Variants in THNSL1 observed in about 807,000 individuals in gnomAD.
THNSL1 encodes the protein threonine synthase like 1, also known as threonine synthase-like 1.
In THNSL1, 48 loss-of-function variants were observed where a neutral mutation model predicts 50.4. That is an observed-to-expected ratio of 0.95 (90% CI 0.76 to 1.21). The LOEUF is 1.21. THNSL1 is among the 50% of genes most tolerant of loss of function. The pLI, the probability that THNSL1 is intolerant of heterozygous loss-of-function variation, is 0.00. For missense variants in THNSL1, 896 were observed against 871.7 expected (o/e 1.03, Z -0.35); for synonymous variants, 309 against 306.1 (o/e 1.01, Z -0.10).
At chr10:24,988,232 A>ATG in the THNSL1 span, among the ~76,000 whole-genome samples, 11 of 145,486 alleles carry the variant, frequency 7.6e-5, no homozygotes, top group South Asian at 8.5e-4. Context: ...TCAAAAAAAA[A>ATG]TGTATATATA....
At chr10:25,019,543 A>G (rs1368459087) in intron 1 of THNSL1, among the ~76,000 whole-genome samples, 2 of 152,200 alleles carry the variant, frequency 1.3e-5, no homozygotes, top group Admixed American at 1.3e-4. Flanking sequence ...AATTAGTACA[A>G]CAGCTCTGTA....
the THNSL1 span, among the ~76,000 whole-genome samples, chr10:24,956,762 G>T: frequency 2.0e-5 from 3 of 151,948 alleles, no homozygotes; most frequent in Non-Finnish European, 4.4e-5. Context: ...CCCAACTACC[G>T]GGCTGCAAAC....
At chr10:25,020,238 A>ATATATC (rs1554772119) in intron 1 of THNSL1, among the ~76,000 whole-genome samples, 23,013 of 126,548 alleles carry the variant, frequency 0.18, 2,031 homozygotes, top group African/African-American at 0.22. Flanking sequence ...TTTCTTTAAA[A>ATATATC]TATATCTATA....
chr10:25,012,446 G>A (rs183241262), upstream of THNSL1, among the ~76,000 whole-genome samples: 164 of 152,308 alleles, frequency 1.1e-3, no homozygotes, highest in Middle Eastern at 0.02. Context: ...GAAAGCAGCC[G>A]GAATGGGGGC....
chr10:25,002,587 TA>T, the THNSL1 span, among the ~76,000 whole-genome samples: 9 of 152,334 alleles, frequency 5.9e-5, no homozygotes, highest in East Asian at 1.7e-3. Flanking sequence ...TTGTTTCATA[TA>T]TTTTTTTTCT....
At chr10:25,017,073 T>G (rs1273263129) in intron 1 of THNSL1, among the ~76,000 whole-genome samples, 2 of 152,184 alleles carry the variant, frequency 1.3e-5, no homozygotes, top group Non-Finnish European at 2.9e-5. Flanking sequence ...GGGTCGGCTC[T>G]GCGCCTGCTC....
chr10:24,989,426 C>T, the THNSL1 span, among the ~76,000 whole-genome samples: 1 of 152,294 alleles, frequency 6.6e-6, no homozygotes, highest in African/African-American at 2.4e-5. Context: ...CGTCACTCTA[C>T]ATTTTCAGGC....
chr10:24,990,431 T>C, the THNSL1 span: 1 of 1,590,540 alleles, frequency 6.3e-7, no homozygotes, highest in Admixed American at 1.9e-5. Flanking sequence ...ATCCAAAGAG[T>C]TACAGATGAA....
chr10:25,025,650 A>G lies in THNSL1; in HGVS notation c.*195A>G, dbSNP rs1850835999. ...TCAGATCTTTAATCTGGAAGTGACA[A>G]AAGGTAACACAGTGCACGGACCTTT... On this transcript the variant is annotated 3_prime_UTR_variant, in exon 3 of 3. Transcript: ENST00000376356. 2 of 609,008 alleles carry G rather than the reference A, an allele frequency of 3.3e-6. No homozygotes were observed. The highest frequency in any genetic ancestry group is 3.2e-5 in the Admixed American group (1 of 31,724). The allele number at this position is 609,008 out of a possible 1,614,324, so 37.7% of individuals were successfully genotyped here.
chr10:24,999,514 T>C, the THNSL1 span: 4 of 1,611,164 alleles, frequency 2.5e-6, no homozygotes, highest in Non-Finnish European at 3.4e-6. Flanking sequence ...TTGCATGTCA[T>C]CTTTTACAGT....
intron 1 of THNSL1, among the ~76,000 whole-genome samples, chr10:25,017,621 C>CTT (rs139511500): frequency 7.0e-5 from 10 of 142,180 alleles, no homozygotes; most frequent in African/African-American, 2.3e-4. Context: ...TTAAGTTTTT[C>CTT]TTTTTTTTTT....
chr10:25,014,797 C>T (rs889570000), upstream of THNSL1, among the ~76,000 whole-genome samples: 1 of 152,186 alleles, frequency 6.6e-6, no homozygotes, highest in Non-Finnish European at 1.5e-5. Context: ...AGATGTAATA[C>T]AGTTACTGCT....
the THNSL1 span, among the ~76,000 whole-genome samples, chr10:24,972,191 TAA>T: frequency 5.9e-5 from 7 of 119,122 alleles, no homozygotes; most frequent in Admixed American, 8.6e-5. Context: ...GACTCTATCT[TAA>T]AAAAAAAAAA....
chr10:25,000,546 A>G, the THNSL1 span, among the ~76,000 whole-genome samples: 1 of 152,090 alleles, frequency 6.6e-6, no homozygotes, highest in African/African-American at 2.4e-5. Flanking sequence ...AAAACAGATC[A>G]CTTCATCACT....
chr10:24,971,894 C>T, the THNSL1 span, among the ~76,000 whole-genome samples: 2 of 152,114 alleles, frequency 1.3e-5, no homozygotes, highest in Admixed American at 6.6e-5. Context: ...GTTTAACTGA[C>T]ATTTAAAATG....
At chr10:24,984,856 G>A in the THNSL1 span, 19 of 1,613,358 alleles carry the variant, frequency 1.2e-5, no homozygotes, top group East Asian at 2.2e-5. Context: ...TATAAAGACC[G>A]AGAGGGACTG....
At chr10:25,009,960 A>T in the THNSL1 span, among the ~76,000 whole-genome samples, 1 of 152,270 alleles carries the variant, frequency 6.6e-6, no homozygotes, top group African/African-American at 2.4e-5. Context: ...GTAGTATGAG[A>T]ACAGACTAAT....
chr10:24,995,584 C>A, the THNSL1 span: 2 of 1,391,516 alleles, frequency 1.4e-6, no homozygotes, highest in African/African-American at 1.4e-5. Flanking sequence ...AGATGATCAT[C>A]ATGAACACCA....
At chr10:24,996,730 T>C in the THNSL1 span, among the ~76,000 whole-genome samples, 7 of 152,200 alleles carry the variant, frequency 4.6e-5, no homozygotes, top group Admixed American at 4.6e-4. Flanking sequence ...TTTATTAGTT[T>C]ATATAACTTT....
Sources: allele counts gnomAD v4.1 joint callset (sites outside exome capture counted in the v4.1 genomes callset), GRCh38; gene constraint gnomAD v4.1.1; transcripts MANE v1.5; gene names NCBI Gene and HGNC (gene_info 2026-07-23, HGNC 2026-07-21).